UBQLN1: variants seen among roughly 807,000 people sequenced by gnomAD.
UBQLN1 encodes the protein ubiquilin 1.
A neutral mutation model predicts 65.4 loss-of-function variants in UBQLN1; 13 were observed. The ratio of observed to expected loss-of-function variants is 0.20; its 90% CI spans 0.13 to 0.32. UBQLN1 has a LOEUF of 0.32. Among genes scored for constraint, UBQLN1 ranks in the 10% least tolerant of loss-of-function variants. UBQLN1 has a pLI of 1.00. For missense variants in UBQLN1, 561 were observed against 724.0 expected (o/e 0.77, Z 2.58); for synonymous variants, 267 against 247.8 (o/e 1.08, Z -0.73).
chr9:83,665,941 C>T (rs1831637018), intron 8 of UBQLN1, among the ~76,000 whole-genome samples: 1 of 152,162 alleles, frequency 6.6e-6, no homozygotes, highest in Admixed American at 6.5e-5. Context: ...GGAAAAAAAG[C>T]CTTCTACTAA....
chr9:83,701,459 T>A (rs930788717), intron 1 of UBQLN1, among the ~76,000 whole-genome samples: 1 of 152,132 alleles, frequency 6.6e-6, no homozygotes, highest in African/African-American at 2.4e-5. Flanking sequence ...AATAGTTTCA[T>A]CTCATGGTAC....
intron 6 of UBQLN1, among the ~76,000 whole-genome samples, chr9:83,673,212 G>A (rs1157905157): frequency 2.8e-5 from 4 of 144,794 alleles, no homozygotes; most frequent in South Asian, 2.2e-4. Flanking sequence ...CCTGGGCGAC[G>A]ACTCTGTCTC....
intron 1 of UBQLN1, among the ~76,000 whole-genome samples, chr9:83,686,443 A>G (rs1832041251): frequency 6.6e-6 from 1 of 152,154 alleles, no homozygotes; most frequent in Non-Finnish European, 1.5e-5. Flanking sequence ...ACAGAGATGC[A>G]TCCTTTTTAT....
intron 1 of UBQLN1, among the ~76,000 whole-genome samples, chr9:83,705,725 T>C (rs1039560824): frequency 1.9e-4 from 29 of 152,080 alleles, no homozygotes; most frequent in Admixed American, 1.5e-3. Context: ...CAACAGTGAA[T>C]AGATTAATTA....
At chr9:83,671,809 C>CT (rs1343050013) in intron 6 of UBQLN1, among the ~76,000 whole-genome samples, 2 of 152,164 alleles carry the variant, frequency 1.3e-5, no homozygotes, top group African/African-American at 2.4e-5. Context: ...AACAGTCAGC[C>CT]TTTCCTTTGA....
At chr9:83,701,456 T>C (rs868802371) in intron 1 of UBQLN1, among the ~76,000 whole-genome samples, 2 of 152,170 alleles carry the variant, frequency 1.3e-5, no homozygotes, top group South Asian at 2.1e-4. Context: ...GAAAATAGTT[T>C]CATCTCATGG....
chr9:83,694,567 T>C (rs1458863338), intron 1 of UBQLN1, among the ~76,000 whole-genome samples: 1 of 152,222 alleles, frequency 6.6e-6, no homozygotes, highest in Non-Finnish European at 1.5e-5. Flanking sequence ...CTCATAAAAC[T>C]GTACACAGCC....
chr9:83,690,451 T>C (rs373856747), intron 1 of UBQLN1, among the ~76,000 whole-genome samples: 10 of 152,270 alleles, frequency 6.6e-5, no homozygotes, highest in African/African-American at 2.4e-4. Context: ...TTCTTGGGAG[T>C]TGGTATCATG....
At chr9:83,662,263 CAT>C (rs754101768) in intron 10 of UBQLN1, among the ~76,000 whole-genome samples, 1 of 91,918 alleles carries the variant, frequency 1.1e-5, no homozygotes, top group African/African-American at 6.3e-5. Flanking sequence ...TGTGTATATA[CAT>C]ATACATATAC....
At chr9:83,670,228 A>G (rs1831708293) in intron 6 of UBQLN1, among the ~76,000 whole-genome samples, 1 of 151,888 alleles carries the variant, frequency 6.6e-6, no homozygotes, top group Admixed American at 6.6e-5. Context: ...TGCCAAGTCA[A>G]CTCATTAGGT....
chr9:83,664,528 G>A (rs183005194), intron 9 of UBQLN1, among the ~76,000 whole-genome samples: 21 of 151,586 alleles, frequency 1.4e-4, no homozygotes, highest in Non-Finnish European at 1.2e-4. Flanking sequence ...GAGGTGGGAG[G>A]ATCACCTGAG....
intron 2 of UBQLN1, among the ~76,000 whole-genome samples, chr9:83,684,393 C>T (rs569955030): frequency 1.3e-5 from 2 of 152,032 alleles, no homozygotes; most frequent in South Asian, 4.2e-4. Context: ...CAGCGTTTCA[C>T]CATGTTTACC....
Position 83,661,422 on chromosome 9 carries a change from G to A in UBQLN1, c.*365C>T, listed in dbSNP as rs916455160. ...GTACCACAAATTATAGAGTGCAAAT[G>A]ATTTGCTTCTTTTTAATGCTTTTAT... On this transcript the variant is annotated 3_prime_UTR_variant, in exon 11 of 11. Transcript: ENST00000376395. The A allele has an allele frequency of 5.7e-6, 1 of 175,562 alleles. No individual in the cohort carries two copies. Among genetic ancestry groups the A allele is most frequent in the Non-Finnish European group, 1.3e-5 (1 of 78,414 alleles). The allele number at this position is 175,562 out of a possible 1,614,324, so 10.9% of individuals were successfully genotyped here. A position where few individuals can be genotyped will look rare whatever the true frequency, so the allele number is the denominator to read the frequency against.
At chr9:83,669,016 A>T in intron 7 of UBQLN1, 169 bp downstream of exon 7, 2 of 719,382 alleles carry the variant, frequency 2.8e-6, no homozygotes, top group Non-Finnish European at 4.2e-6. Flanking sequence ...ATGAAGTATT[A>T]ATTTACTGCA....
rs1380536404 is a variant in UBQLN1 at position 83,669,314 on chromosome 9, G to A, written c.1119C>T (p.Asn373=). Residue 373 remains asparagine (N), a synonymous_variant, in exon 7 of 11, where the codon AAC becomes AAT. Transcript: ENST00000376395. ...GCAACAAGCTCTGCATTCCTGGTGT[G>A]TTGAACATACTAGCTGAAAGTTTGT... ...LVPGVGASMF[N]TPGMQSLLQQ... 6.3e-7 allele frequency: 1 copy of A among 1,596,524 alleles called. No individual in the cohort carries two copies. The highest frequency in any genetic ancestry group is 2.2e-5 in the East Asian group (1 of 44,602).
chr9:83,707,685 T>TGGC lies in UBQLN1; in HGVS notation c.-9_-7dup, dbSNP rs752884357. 44 of 1,531,336 alleles carry TGGC rather than the reference T, an allele frequency of 2.9e-5. No homozygotes were observed. Among genetic ancestry groups the TGGC allele is most frequent in the Middle Eastern group, 2.0e-4 (1 of 5,068 alleles). The allele number at this position is 1,531,336 out of a possible 1,614,324, so 94.9% of individuals were successfully genotyped here. A position where few individuals can be genotyped will look rare whatever the true frequency, so the allele number is the denominator to read the frequency against. Reference sequence around the variant, plus strand: ...CTTTCACCACTCTCGGCCATGGCTGTGGCGGCGGCGGCGGCGGTGACTCAG... The same window carrying TGGC: ...CTTTCACCACTCTCGGCCATGGCTGTGGCGGCGGCGGCGGCGGCGGTGACTCAG... On this transcript the variant is annotated 5_prime_UTR_variant, in exon 1 of 11. Transcript: ENST00000376395.
At chr9:83,667,914 T>C in intron 7 of UBQLN1, 1 of 981,320 alleles carries the variant, frequency 1.0e-6, no homozygotes, top group Non-Finnish European at 1.2e-6. Context: ...AGCAACATTT[T>C]GTTTTAGAGT....
At chr9:83,685,928 C>T in intron 2 of UBQLN1, 76 bp downstream of exon 2, 2 of 1,280,462 alleles carry the variant, frequency 1.6e-6, no homozygotes, top group South Asian at 1.4e-5. Context: ...AAGTAATTTA[C>T]AGCCAACACT....
chr9:83,682,226 G>C (rs977723507), intron 3 of UBQLN1, among the ~76,000 whole-genome samples: 1 of 151,846 alleles, frequency 6.6e-6, no homozygotes, highest in Non-Finnish European at 1.5e-5. Flanking sequence ...CAGAGGTTGC[G>C]GTGAGCCTAG....
Sources: allele counts gnomAD v4.1 joint callset (sites outside exome capture counted in the v4.1 genomes callset), GRCh38; gene constraint gnomAD v4.1.1; transcripts MANE v1.5; gene names NCBI Gene and HGNC (gene_info 2026-07-23, HGNC 2026-07-21).